The following CNTNAP5 variants were observed in gnomAD, a reference collection of about 807,000 sequenced individuals.
CNTNAP5 encodes contactin-associated protein-like 5.
In CNTNAP5, 72 loss-of-function variants were observed where a neutral mutation model predicts 150.2. The observed-to-expected ratio is 0.48, with a 90% CI of 0.40 to 0.58. The LOEUF (loss-of-function observed/expected upper bound fraction) is 0.58. CNTNAP5 is among the 20% of genes least tolerant of loss of function. The pLI is 0.00. For synonymous variants in CNTNAP5, 672 were observed against 619.8 expected, an observed-to-expected ratio of 1.08 and a Z score of -1.25; for missense variants, 1,636 against 1,626.2, an observed-to-expected ratio of 1.01 and a Z score of -0.10.
intron 13 of CNTNAP5, among the ~76,000 whole-genome samples, chr2:124,706,795 A>AAGAAGAAGGAGG (rs1553433527): frequency 4.2e-4 from 8 of 18,872 alleles, no homozygotes; most frequent in African/African-American, 8.1e-4. Context: ...GAAGAAGAAG[A>AAGAAGAAGGAGG]AGGAGGAGGA....
intron 4 of CNTNAP5, among the ~76,000 whole-genome samples, chr2:124,432,868 G>A (rs1045132708): frequency 1.3e-5 from 2 of 152,154 alleles, no homozygotes; most frequent in African/African-American, 4.8e-5. Context: ...GGAACTAAAA[G>A]ATTCCTGTTA....
At chr2:124,828,858 T>C (rs1428316790) in intron 19 of CNTNAP5, among the ~76,000 whole-genome samples, 1 of 150,666 alleles carries the variant, frequency 6.6e-6, no homozygotes. Flanking sequence ...AGAGTGGTCC[T>C]TCAGAGAAGC....
At chr2:124,071,954 A>G (rs1682315897) in intron 1 of CNTNAP5, among the ~76,000 whole-genome samples, 2 of 152,066 alleles carry the variant, frequency 1.3e-5, no homozygotes, top group Admixed American at 1.3e-4. Context: ...GCCAATATTC[A>G]AGATGAATAT....
chr2:124,646,548 T>A (rs989706586), intron 12 of CNTNAP5, among the ~76,000 whole-genome samples: 1 of 152,212 alleles, frequency 6.6e-6, no homozygotes, highest in African/African-American at 2.4e-5. Flanking sequence ...CGGGCAAGAT[T>A]CTCAGATGAC....
chr2:124,512,384 G>T (rs1041611235), intron 8 of CNTNAP5, among the ~76,000 whole-genome samples: 17 of 151,806 alleles, frequency 1.1e-4, no homozygotes, highest in Admixed American at 9.8e-4. Flanking sequence ...AAGGGTGGGT[G>T]GGGGGAGAAT....
At chr2:124,082,028 T>A (rs2104675552) in intron 1 of CNTNAP5, among the ~76,000 whole-genome samples, 1 of 152,270 alleles carries the variant, frequency 6.6e-6, no homozygotes, top group African/African-American at 2.4e-5. Flanking sequence ...TCCTGTAATT[T>A]TTGTCCTATT....
intron 21 of CNTNAP5, among the ~76,000 whole-genome samples, chr2:124,893,959 T>G (rs1311477243): frequency 2.0e-5 from 3 of 152,146 alleles, no homozygotes; most frequent in Non-Finnish European, 4.4e-5. Flanking sequence ...AGAATATGTA[T>G]AGCAGTTAGA....
intron 13 of CNTNAP5, among the ~76,000 whole-genome samples, chr2:124,669,720 T>C (rs1678770966): frequency 6.6e-6 from 1 of 152,214 alleles, no homozygotes; most frequent in Admixed American, 6.5e-5. Flanking sequence ...TAGCAAGTCA[T>C]TCTTCCGGAC....
At chr2:124,543,027 C>A (rs1389147727) in intron 10 of CNTNAP5, among the ~76,000 whole-genome samples, 1 of 152,144 alleles carries the variant, frequency 6.6e-6, no homozygotes, top group African/African-American at 2.4e-5. Flanking sequence ...CCTTTCACTT[C>A]TTTTCTCATC....
chr2:124,295,041 G>T (rs542919969), intron 3 of CNTNAP5, among the ~76,000 whole-genome samples: 70 of 152,140 alleles, frequency 4.6e-4, no homozygotes, highest in South Asian at 4.2e-4. Flanking sequence ...GGGAGGCGGA[G>T]GTTGTAGTGA....
At chr2:124,026,121 C>T (rs980028875) in intron 1 of CNTNAP5, among the ~76,000 whole-genome samples, 6 of 152,140 alleles carry the variant, frequency 3.9e-5, no homozygotes, top group African/African-American at 1.2e-4. Flanking sequence ...CCACCGTGCT[C>T]GGTGACAGTG....
chr2:124,506,736 A>G (rs982201385), intron 8 of CNTNAP5, among the ~76,000 whole-genome samples: 1 of 152,206 alleles, frequency 6.6e-6, no homozygotes, highest in Non-Finnish European at 1.5e-5. Context: ...TTAATGGTTG[A>G]AAACATTTTT....
At chr2:124,549,063 A>C (rs937789990) in intron 10 of CNTNAP5, among the ~76,000 whole-genome samples, 1 of 152,200 alleles carries the variant, frequency 6.6e-6, no homozygotes, top group African/African-American at 2.4e-5. Flanking sequence ...CACAGTCCCT[A>C]ATCCTCTGCT....
intron 13 of CNTNAP5, among the ~76,000 whole-genome samples, chr2:124,654,694 C>T (rs1451326546): frequency 6.6e-6 from 1 of 152,124 alleles, no homozygotes. Flanking sequence ...GGCACCACCT[C>T]TGCTCCCATA....
chr2:124,290,598 C>G (rs1226804061), intron 3 of CNTNAP5, among the ~76,000 whole-genome samples: 1 of 152,206 alleles, frequency 6.6e-6, no homozygotes, highest in Non-Finnish European at 1.5e-5. Flanking sequence ...GACTAATGCT[C>G]TCACCGAACA....
At chr2:124,800,844 C>T (rs1376454081) in intron 19 of CNTNAP5, among the ~76,000 whole-genome samples, 1 of 152,126 alleles carries the variant, frequency 6.6e-6, no homozygotes, top group East Asian at 1.9e-4. Context: ...AGGTATGAGT[C>T]CTGAGCCAAA....
At chr2:124,630,321 C>G (rs992497111) in intron 12 of CNTNAP5, among the ~76,000 whole-genome samples, 1 of 151,976 alleles carries the variant, frequency 6.6e-6, no homozygotes, top group African/African-American at 2.4e-5. Flanking sequence ...ACAAAAATCT[C>G]CAACAAAATA....
intron 3 of CNTNAP5, among the ~76,000 whole-genome samples, chr2:124,245,567 A>G (rs532724387): frequency 7.5e-6 from 1 of 133,610 alleles, no homozygotes; most frequent in Admixed American, 8.2e-5. Flanking sequence ...AATAGAGAAT[A>G]TATACATATA....
intron 1 of CNTNAP5, among the ~76,000 whole-genome samples, chr2:124,060,118 C>T (rs1197625782): frequency 1.3e-5 from 2 of 152,126 alleles, no homozygotes; most frequent in Non-Finnish European, 2.9e-5. Flanking sequence ...TTAGTGTGTT[C>T]AGGGTGGCCC....
Sources: gnomAD v4.1 joint callset for allele counts (sites outside exome capture counted in the v4.1 genomes callset) on GRCh38, gnomAD v4.1.1 for gene constraint, MANE v1.5 for transcripts, NCBI Gene and HGNC (gene_info 2026-07-23, HGNC 2026-07-21) for gene names.